ATXN7: variants seen among roughly 807,000 people sequenced by gnomAD.
ATXN7 encodes the protein ataxin-7.
A neutral mutation model predicts 70.5 loss-of-function variants in ATXN7; 12 were observed. That is an observed-to-expected ratio of 0.17 (90% CI 0.11 to 0.28). The LOEUF is 0.28. Ranked by LOEUF, ATXN7 falls within the 10% of genes least tolerant of loss-of-function variation. The probability of loss-of-function intolerance (pLI) is 1.00; values close to 1 mark genes in which losing one functional copy is unlikely to be tolerated. For synonymous variants in ATXN7, 498 were observed against 448.7 expected (o/e 1.11, Z -1.39); for missense variants, 1,256 against 1,131.7 (o/e 1.11, Z -1.58).
At chr3:63,977,707 C>T (rs994821496) in intron 5 of ATXN7, among the ~76,000 whole-genome samples, 3 of 152,056 alleles carry the variant, frequency 2.0e-5, no homozygotes, top group African/African-American at 4.8e-5. Flanking sequence ...CTTTGGCAGA[C>T]GGGCACTACT....
intron 7 of ATXN7, 59 bp downstream of exon 7, chr3:63,982,504 G>C (rs1418719070): frequency 1.4e-6 from 2 of 1,408,662 alleles, no homozygotes; most frequent in East Asian, 4.9e-5. Context: ...GGCATTCGTG[G>C]GGAGCAAATC....
rs377628055 is a variant in ATXN7 at position 64,002,702 on chromosome 3, C to T, written c.*3235C>T. On this transcript the variant is annotated 3_prime_UTR_variant, in exon 13 of 13. Transcript: ENST00000674280. ...AATATTGTTTCTAAAATTTTAGGGG[C>T]GGAGTTGAAAACCACCAATGCTGGT... The T allele has an allele frequency of 6.6e-6, 1 of 151,960 alleles. No homozygotes were observed. Among genetic ancestry groups the T allele is most frequent in the African/African-American group, 2.4e-5 (1 of 41,356 alleles). The allele number at this position is 151,960 out of a possible 1,614,324, so 9.4% of individuals were successfully genotyped here.
At chr3:63,947,331 A>G (rs2074880354) in intron 4 of ATXN7, among the ~76,000 whole-genome samples, 1 of 152,184 alleles carries the variant, frequency 6.6e-6, no homozygotes, top group African/African-American at 2.4e-5. Flanking sequence ...CACACTTGTA[A>G]TCTCAGCACT....
chr3:63,870,820 G>T (rs981852458), intron 1 of ATXN7, among the ~76,000 whole-genome samples: 1 of 152,040 alleles, frequency 6.6e-6, no homozygotes, highest in Non-Finnish European at 1.5e-5. Flanking sequence ...TTCCCTTTCT[G>T]CATGATATGT....
chr3:63,972,211 T>C (rs974572808), intron 5 of ATXN7, among the ~76,000 whole-genome samples: 1 of 152,250 alleles, frequency 6.6e-6, no homozygotes, highest in Admixed American at 6.5e-5. Context: ...GTTTTTAAAC[T>C]GAGCTTTTGA....
chr3:63,895,669 A>G (rs747779510), intron 1 of ATXN7, among the ~76,000 whole-genome samples: 6 of 152,032 alleles, frequency 3.9e-5, no homozygotes, highest in African/African-American at 9.7e-5. Flanking sequence ...AAAGCCCAAG[A>G]ACACTCCCAG....
At chr3:63,921,514 CAGAGA>C (rs1368749397) in intron 4 of ATXN7, among the ~76,000 whole-genome samples, 1 of 152,174 alleles carries the variant, frequency 6.6e-6, no homozygotes, top group East Asian at 1.9e-4. Flanking sequence ...GTGGTCTTCG[CAGAGA>C]AGAGTATCTA....
chr3:63,990,937 GT>G, intron 11 of ATXN7, 78 bp downstream of exon 11: 1 of 1,599,220 alleles, frequency 6.3e-7, no homozygotes, highest in Non-Finnish European at 8.6e-7. Context: ...TGAGACTGAT[GT>G]TATGAAGATA....
At chr3:63,953,719 C>T (rs1316881088) in intron 5 of ATXN7, among the ~76,000 whole-genome samples, 19 of 149,982 alleles carry the variant, frequency 1.3e-4, no homozygotes, top group Admixed American at 1.0e-3. Context: ...GGTGCGATCT[C>T]GGCTCACTGC....
chr3:64,002,031 T>C lies in ATXN7; in HGVS notation c.*2564T>C, dbSNP rs2106820939. ...AAAAAAAAAAAAAGTGCTGCAATGA[T>C]GAACAAAGAATTATACAAAACCTAC... On this transcript the variant is annotated 3_prime_UTR_variant, in exon 13 of 13. Transcript: ENST00000674280. 6.6e-6 allele frequency: 1 copy of C among 152,134 alleles called. No individual in the cohort carries two copies. The highest frequency in any genetic ancestry group is 1.5e-5 in the Non-Finnish European group (1 of 67,916). 9.4% of individuals were successfully genotyped at this position (152,134 alleles called of 1,614,324 possible). A position where few individuals can be genotyped will look rare whatever the true frequency, so the allele number is the denominator to read the frequency against.
chr3:63,867,867 A>C (rs530727940), intron 1 of ATXN7, among the ~76,000 whole-genome samples: 5 of 152,274 alleles, frequency 3.3e-5, no homozygotes, highest in African/African-American at 1.2e-4. Flanking sequence ...CCTGGGCAAC[A>C]GAGTAAGACA....
intron 5 of ATXN7, among the ~76,000 whole-genome samples, chr3:63,962,715 A>G (rs2106695163): frequency 6.6e-6 from 1 of 152,080 alleles, no homozygotes; most frequent in East Asian, 2.0e-4. Context: ...TACAACTTCT[A>G]ATACTGAAGA....
intron 1 of ATXN7, among the ~76,000 whole-genome samples, chr3:63,884,816 AT>A (rs572912704): frequency 0.021 from 3,005 of 143,298 alleles, 28 homozygotes; most frequent in Middle Eastern, 0.04. Flanking sequence ...TGCCCAGCTA[AT>A]TTTTTTTTTT....
At chr3:63,931,082 G>A (rs182383728) in intron 4 of ATXN7, among the ~76,000 whole-genome samples, 5 of 152,040 alleles carry the variant, frequency 3.3e-5, no homozygotes, top group Non-Finnish European at 7.4e-5. Context: ...TGGAGTTAAT[G>A]GTATATACAG....
chr3:63,950,749 G>A (rs763441123), intron 4 of ATXN7, among the ~76,000 whole-genome samples: 1 of 152,096 alleles, frequency 6.6e-6, no homozygotes. Flanking sequence ...AACTCAATGT[G>A]GGCAGGCTTT....
chr3:63,901,352 G>A (rs942653091), intron 2 of ATXN7: 1 of 152,156 alleles, frequency 6.6e-6, no homozygotes, highest in African/African-American at 2.4e-5. Context: ...TTGCAGCTGA[G>A]TTCTTGAACT....
chr3:63,940,616 T>G (rs748810040), intron 4 of ATXN7, among the ~76,000 whole-genome samples: 17 of 152,210 alleles, frequency 1.1e-4, no homozygotes, highest in Non-Finnish European at 2.5e-4. Context: ...TACACTCTGC[T>G]TACTGTGTTT....
intron 4 of ATXN7, among the ~76,000 whole-genome samples, chr3:63,927,850 T>G (rs1032557591): frequency 6.6e-6 from 1 of 152,230 alleles, no homozygotes; most frequent in Admixed American, 6.5e-5. Context: ...CCTCTTATCT[T>G]AGCCCCATGT....
At chr3:63,912,488 A>C in intron 2 of ATXN7, 100 bp from the exon 3 acceptor site, 1 of 779,536 alleles carries the variant, frequency 1.3e-6, no homozygotes, top group Non-Finnish European at 1.6e-6. Context: ...AGCGTGCCCC[A>C]CCCGGTCCGC....
Sources: gnomAD v4.1 joint callset for allele counts (sites outside exome capture counted in the v4.1 genomes callset) on GRCh38, gnomAD v4.1.1 for gene constraint, MANE v1.5 for transcripts, NCBI Gene and HGNC (gene_info 2026-07-23, HGNC 2026-07-21) for gene names.